The following DZIP1L variants were observed in gnomAD, a reference collection of about 807,000 sequenced individuals.
DZIP1L encodes the protein DAZ interacting zinc finger protein 1 like.
DZIP1L carries 90 observed loss-of-function variants against 88.7 expected under a neutral mutation model. The ratio of observed to expected loss-of-function variants is 1.02; its 90% CI spans 0.86 to 1.21. DZIP1L has a LOEUF of 1.21. Ranked by LOEUF, DZIP1L falls within the 50% of genes most tolerant of loss-of-function variation. DZIP1L has a pLI of 0.00. For missense variants in DZIP1L, 932 were observed against 955.8 expected (o/e 0.98, Z 0.33); for synonymous variants, 363 against 372.1 (o/e 0.98, Z 0.28).
chr3:138,097,502 G>A (rs1167924335), intron 3 of DZIP1L, among the ~76,000 whole-genome samples: 2 of 152,188 alleles, frequency 1.3e-5, no homozygotes, highest in South Asian at 2.1e-4. Context: ...AGCATGGACC[G>A]GGGTTACATA....
Position 138,067,606 on chromosome 3 carries a change from G to A in DZIP1L, c.1927C>T (p.Arg643Trp), listed in dbSNP as rs150921263. The part of the protein sequence containing the change: ...PPKVPSRMVP[R>W]PKDDWDWSDT... ...GACCAGTCCCAGTCATCCTTGGGCCGGGGCACCATCCTGGAAGGAACTTTT... is the reference window on the plus strand; with the variant it reads ...GACCAGTCCCAGTCATCCTTGGGCCAGGGCACCATCCTGGAAGGAACTTTT... Residue 643 changes from arginine (R) to tryptophan (W), a missense_variant, in exon 14 of 16, where the codon CGG becomes TGG. Coordinates refer to ENST00000327532, the MANE Select transcript of DZIP1L (RefSeq NM_173543.3). The A allele has an allele frequency of 1.8e-4, 287 of 1,611,444 alleles. 1 individual carries two copies. The highest frequency in any genetic ancestry group is 1.1e-3 in the Admixed American group (65 of 59,730).
intron 1 of DZIP1L, among the ~76,000 whole-genome samples, 180 bp downstream of exon 1, chr3:138,115,148 T>C (rs1007256419): frequency 6.6e-6 from 1 of 152,132 alleles, no homozygotes; most frequent in South Asian, 2.1e-4. Context: ...GGGCGCGCCC[T>C]GGGCAGCGCG....
At chr3:138,099,218 C>T (rs531484106) in intron 2 of DZIP1L, among the ~76,000 whole-genome samples, 1 of 152,368 alleles carries the variant, frequency 6.6e-6, no homozygotes, top group South Asian at 2.1e-4. Flanking sequence ...GCTGGTTCAA[C>T]CTGCAGCCAA....
intron 5 of DZIP1L, among the ~76,000 whole-genome samples, chr3:138,090,467 A>T (rs1944155891): frequency 6.6e-6 from 1 of 152,114 alleles, no homozygotes; most frequent in Non-Finnish European, 1.5e-5. Flanking sequence ...TAGGAGCATG[A>T]GGTCAATAGT....
rs758893246 is a variant in DZIP1L at position 138,071,764 on chromosome 3, C to T, written c.1494G>A (p.Lys498=). ...ESLLRVQREQ[K]ARKFSEFLSL... ...TCAGAAATTCAGAAAACTTCCGGGC[C>T]TTCTGCTCCCGCTGGACTCTCAGCA... Residue 498 remains lysine (K), a synonymous_variant, in exon 12 of 16, where the codon AAG becomes AAA. Transcript: ENST00000327532. The T allele has an allele frequency of 9.9e-6, 16 of 1,614,088 alleles. No individual in the cohort carries two copies. Among genetic ancestry groups the T allele is most frequent in the Non-Finnish European group, 1.4e-5 (16 of 1,180,044 alleles).
chr3:138,070,776 A>C (rs1943142877), intron 12 of DZIP1L, among the ~76,000 whole-genome samples: 1 of 152,162 alleles, frequency 6.6e-6, no homozygotes, highest in Non-Finnish European at 1.5e-5. Flanking sequence ...CCTTCTGGCC[A>C]CATGTGTCCC....
intron 5 of DZIP1L, among the ~76,000 whole-genome samples, chr3:138,090,133 C>A (rs961828360): frequency 3.3e-5 from 5 of 150,324 alleles, no homozygotes; most frequent in Admixed American, 2.7e-4. Context: ...GGGTGAGAAC[C>A]CATCTTAAAA....
Position 138,094,865 on chromosome 3 carries a change from GAGCT to G in DZIP1L, c.701_704del (p.Gln234ProfsTer12). ...GATGTTTTCTCTCCCTGCCCACCTG[GAGCT>G]GCCGCTGCCTCTCCGCCTCCCTCTG... On this transcript the variant is annotated frameshift_variant, in exon 4 of 16. Transcript: ENST00000327532. LOFTEE classifies it high-confidence loss of function. 2 of 1,614,158 alleles carry G rather than the reference GAGCT, an allele frequency of 1.2e-6. No individual in the cohort carries two copies. The highest frequency in any genetic ancestry group is 1.7e-6 in the Non-Finnish European group (2 of 1,180,024).
At chr3:138,077,374 C>G (rs1406971817) in intron 11 of DZIP1L, 125 bp downstream of exon 11, 5 of 1,447,754 alleles carry the variant, frequency 3.5e-6, no homozygotes, top group Non-Finnish European at 2.8e-6. Flanking sequence ...CAGAGGAGCC[C>G]GGGCTGCCAC....
Position 138,068,272 on chromosome 3 carries a change from G to C in DZIP1L, c.1711C>G (p.Pro571Ala), listed in dbSNP as rs772860655. ...ALPSTPAEPP[P>A]PTRQSHGSHG... ...CTGCCATGGCTCTGACGAGTTGGTGGGGGTGGCTCTGCCGGTGTGGATGGC... is the reference window on the plus strand; with the variant it reads ...CTGCCATGGCTCTGACGAGTTGGTGCGGGTGGCTCTGCCGGTGTGGATGGC... The change falls in exon 13 of 16, where the codon CCA becomes GCA. Residue 571 changes from proline (P) to alanine (A), a missense_variant. By Grantham distance (27) the Pro-to-Ala change is conservative (BLOSUM62 -1). Transcript: ENST00000327532. The C allele has an allele frequency of 9.4e-6, 15 of 1,599,100 alleles. No individual in the cohort carries two copies. Among genetic ancestry groups the C allele is most frequent in the Non-Finnish European group, 1.3e-5 (15 of 1,172,366 alleles).
intron 11 of DZIP1L, among the ~76,000 whole-genome samples, chr3:138,072,131 A>G (rs1943210407): frequency 6.6e-6 from 1 of 152,234 alleles, no homozygotes; most frequent in Non-Finnish European, 1.5e-5. Context: ...TCGTTGGAAC[A>G]TGCTTTTCTA....
chr3:138,098,680 G>A (rs1316816385), intron 2 of DZIP1L, among the ~76,000 whole-genome samples: 1 of 152,154 alleles, frequency 6.6e-6, no homozygotes, highest in Non-Finnish European at 1.5e-5. Context: ...TGGCCAATGA[G>A]AATAAACACT....
In DZIP1L at chr3:138,071,808, G is replaced by C; in HGVS notation, c.1450C>G (p.Leu484Val). ...KDAKGISIQT[L>V]RHLESLLRVQ... ...CTCAGCAGGGATTCCAGGTGTCTGAGAGTCTGAATCGAGATTCCCTTTGCA... is the reference window on the plus strand; with the variant it reads ...CTCAGCAGGGATTCCAGGTGTCTGACAGTCTGAATCGAGATTCCCTTTGCA... The change falls in exon 12 of 16, where the codon CTC (leucine) becomes GTC (valine). Residue 484 changes from leucine to valine, a missense_variant. Physicochemically the swap from Leu to Val is conservative, Grantham distance 32. Transcript: ENST00000327532. 6.2e-7 allele frequency: 1 copy of C among 1,613,912 alleles called. No individual in the cohort carries two copies. The highest frequency in any genetic ancestry group is 8.5e-7 in the Non-Finnish European group (1 of 1,179,956).
intron 12 of DZIP1L, among the ~76,000 whole-genome samples, chr3:138,069,823 G>T (rs1339858765): frequency 6.6e-6 from 1 of 152,144 alleles, no homozygotes; most frequent in Non-Finnish European, 1.5e-5. Context: ...GCAGAAATGG[G>T]AGGTGAGCAT....
At chr3:138,115,128 C>T (rs1456902576) in intron 1 of DZIP1L, among the ~76,000 whole-genome samples, 200 bp downstream of exon 1, 1 of 152,082 alleles carries the variant, frequency 6.6e-6, no homozygotes, top group African/African-American at 2.4e-5. Flanking sequence ...AGGGCCGCGC[C>T]GGGCCAGAAG....
intron 8 of DZIP1L, 101 bp downstream of exon 8, chr3:138,084,012 G>A: frequency 6.8e-7 from 1 of 1,475,962 alleles, no homozygotes; most frequent in Non-Finnish European, 9.1e-7. Context: ...GAGCCTGAGT[G>A]GTAAGACTAG....
chr3:138,069,053 G>A (rs59235190), intron 12 of DZIP1L: 18,308 of 1,187,696 alleles, frequency 0.015, 581 homozygotes, highest in African/African-American at 0.12. Context: ...AGTTGACCCC[G>A]AAACAACGTG....
intron 8 of DZIP1L, 172 bp from the exon 9 acceptor site, chr3:138,081,936 T>G: frequency 3.8e-6 from 2 of 521,836 alleles, no homozygotes. Context: ...GACACATCTC[T>G]GGGGTCCGTG....
chr3:138,104,773 G>A (rs777431437), intron 1 of DZIP1L, among the ~76,000 whole-genome samples: 155 of 152,082 alleles, frequency 1.0e-3, no homozygotes, highest in Admixed American at 4.8e-3. Context: ...TAACTTAATA[G>A]TTAAGTAAAA....
Sources: allele counts gnomAD v4.1 joint callset (sites outside exome capture counted in the v4.1 genomes callset), GRCh38; gene constraint gnomAD v4.1.1; transcripts MANE v1.5; gene names NCBI Gene and HGNC (gene_info 2026-07-23, HGNC 2026-07-21).